GSE1: variants seen among roughly 807,000 people sequenced by gnomAD.
GSE1 encodes genetic suppressor element 1.
GSE1 carries 32 observed loss-of-function variants against 112.6 expected under a neutral mutation model. The ratio of observed to expected loss-of-function variants is 0.28; its 90% confidence interval spans 0.21 to 0.38. GSE1 has a LOEUF of 0.38. Among genes scored for constraint, GSE1 ranks in the 10% least tolerant of loss-of-function variants. GSE1 has a pLI of 1.00. For synonymous variants in GSE1, 1,115 were observed against 735.6 expected (o/e 1.52, Z -8.35); for missense variants, 2,348 against 1,699.2 (o/e 1.38, Z -6.71).
At chr16:85,285,330 A>G (rs1290899651) in intron 1 of GSE1, 1 of 152,154 alleles carries the variant, frequency 6.6e-6, no homozygotes, top group Non-Finnish European at 1.5e-5. Flanking sequence ...CCAGCCCTTC[A>G]CTACTCAAAG....
At chr16:85,274,301 C>G (rs1017220550) in intron 1 of GSE1, among the ~76,000 whole-genome samples, 4 of 152,098 alleles carry the variant, frequency 2.6e-5, no homozygotes, top group Non-Finnish European at 5.9e-5. Flanking sequence ...AGGAGAATCG[C>G]TTGAACCTGG....
At chr16:85,393,953 A>T (rs1312908006) in intron 2 of GSE1, among the ~76,000 whole-genome samples, 1 of 150,270 alleles carries the variant, frequency 6.7e-6, no homozygotes, top group Admixed American at 6.6e-5. Flanking sequence ...GGGCTGGGGA[A>T]CTCCAGGCAC....
intron 2 of GSE1, 69 bp downstream of exon 2, chr16:85,634,201 CTGCGGCGT>C: frequency 9.2e-7 from 1 of 1,084,554 alleles, no homozygotes; most frequent in Non-Finnish European, 1.2e-6. Flanking sequence ...AGCCTCCCGC[CTGCGGCGT>C]GCACGCTCAC....
At position 85,657,476 on chromosome 16, in the gene GSE1, G is replaced by GCGGCAGGAGAAGGAGGAC. The variant is rs1419991646; in HGVS notation, c.1519_1536dup (p.Glu507_Gln512dup). ...AGTGGCTGGCGCGGCAGCGGCGGCTGCGGCAGGAGAAGGAGGACCGGCAGT... is the reference window on the plus strand; with the variant it reads ...AGTGGCTGGCGCGGCAGCGGCGGCTGCGGCAGGAGAAGGAGGACCGGCAGGAGAAGGAGGACCGGCAGT... On this transcript the variant is annotated inframe_insertion, in exon 8 of 16. Transcript: ENST00000253458. 24 of 1,608,106 alleles carry GCGGCAGGAGAAGGAGGAC rather than the reference G, an allele frequency of 1.5e-5. No individual in the cohort carries two copies. The highest frequency in any genetic ancestry group is 1.7e-5 in the Non-Finnish European group (20 of 1,177,878).
At position 85,212,231 on chromosome 16, in the gene GSE1, C is replaced by T. The variant is rs142700494; in HGVS notation, c.2283+40424C>T. ...GACCAGCCTGGCCAACATGGTAAAA[C>T]CCTGTCTCTACTAAAAATACAAAAA... On this transcript the variant is annotated intron_variant, in intron 1 of 2. Coordinates refer to the GSE1 transcript ENST00000637419. Among the ~76,000 whole-genome samples, 1,316 of 152,232 alleles carry T rather than the reference C, an allele frequency of 8.6e-3. 11 individuals carry two copies. Among genetic ancestry groups the T allele is most frequent in the Non-Finnish European group, 0.015 (998 of 68,016 alleles).
In GSE1 at chr16:85,627,044, C is replaced by CTTTTTTTTTT. The variant is rs564272210; in HGVS notation, c.8-6847_8-6838dup. On this transcript the variant is annotated intron_variant, in intron 1 of 15. Transcript: ENST00000253458. ...GGACTTTGCTTCCTTTTCTTCTTGC[C>CTTTTTTTTTT]TTTTTTTTTTTTTTTTTTTTTTTTT... 8.6e-3 allele frequency among the ~76,000 whole-genome samples: 215 copies of CTTTTTTTTTT among 25,060 alleles called. 37 individuals are homozygous for CTTTTTTTTTT. The highest frequency in any genetic ancestry group is 0.056 in the Middle Eastern group (1 of 18). The allele number at this position is 25,060 out of a possible 152,430, so 16.4% of individuals were successfully genotyped here.
chr16:85,572,027 G>GCA (rs772544887), intron 1 of GSE1, among the ~76,000 whole-genome samples: 4 of 151,320 alleles, frequency 2.6e-5, no homozygotes, highest in Admixed American at 6.6e-5. Flanking sequence ...AGAACACATA[G>GCA]CACACACACA....
intron 2 of GSE1, among the ~76,000 whole-genome samples, chr16:85,519,743 TCAG>T (rs1181193370): frequency 1.3e-5 from 1 of 76,952 alleles, no homozygotes; most frequent in African/African-American, 5.1e-5. Flanking sequence ...ATCACCACCA[TCAG>T]CATCACCATC....
intron 2 of GSE1, among the ~76,000 whole-genome samples, chr16:85,370,066 C>T (rs1026827376): frequency 5.9e-5 from 9 of 152,112 alleles, no homozygotes; most frequent in South Asian, 2.1e-4. Flanking sequence ...GTGGTCCCTG[C>T]GCCACCCTTG....
In GSE1 at chr16:85,668,305, G is replaced by C. The variant is rs765563913; in HGVS notation, c.3296G>C (p.Arg1099Pro). 3 of 1,612,808 alleles carry C rather than the reference G, an allele frequency of 1.9e-6. No homozygotes were observed. In the African/African-American group the frequency reaches 4.0e-5, roughly 22 times the overall value. Residue 1099 changes from arginine (R) to proline (P), a missense_variant, in exon 14 of 16, where the codon CGG becomes CCG. Physicochemically the swap from Arg to Pro is moderately radical, Grantham distance 103. Coordinates refer to ENST00000253458, the MANE Select transcript of GSE1 (RefSeq NM_014615.5). ...RKGPPTQELDRDSEEEEEEDD... is the reference protein window; with the variant it reads ...RKGPPTQELDPDSEEEEEEDD... ...GGCCCCCCAACCCAGGAGTTGGACC[G>C]GGACTCGGAGGAGGAGGAAGAGGAG... is the stretch of plus-strand genomic sequence containing the variant.
intron 8 of GSE1, among the ~76,000 whole-genome samples, chr16:85,658,070 A>C (rs2052120056): frequency 6.6e-6 from 1 of 152,246 alleles, no homozygotes; most frequent in Non-Finnish European, 1.5e-5. Flanking sequence ...GTAAAAACAC[A>C]TGCCCGTTTT....
chr16:85,542,532 C>T (rs1327070789), intron 2 of GSE1, among the ~76,000 whole-genome samples: 1 of 152,230 alleles, frequency 6.6e-6, no homozygotes, highest in Non-Finnish European at 1.5e-5. Context: ...GCCTACCTCC[C>T]AATGAAGAGC....
At chr16:85,624,105 C>T (rs538880904) in intron 1 of GSE1, among the ~76,000 whole-genome samples, 24 of 152,324 alleles carry the variant, frequency 1.6e-4, no homozygotes, top group Non-Finnish European at 2.8e-4. Context: ...GCGTCTCAGC[C>T]TCCTCTTCCT....
At chr16:85,640,477 G>C (rs1483477359) in intron 2 of GSE1, among the ~76,000 whole-genome samples, 1 of 152,228 alleles carries the variant, frequency 6.6e-6, no homozygotes, top group Non-Finnish European at 1.5e-5. Flanking sequence ...GGTGGTGTCT[G>C]CTGGCTGCCT....
intron 1 of GSE1, among the ~76,000 whole-genome samples, chr16:85,229,258 C>A (rs575554038): frequency 5.3e-5 from 8 of 152,346 alleles, no homozygotes; most frequent in Admixed American, 4.6e-4. Flanking sequence ...GAGGGGGTGG[C>A]CCTCCCTGCA....
chr16:85,385,995 G>T (rs563930715), intron 2 of GSE1, among the ~76,000 whole-genome samples: 2 of 152,338 alleles, frequency 1.3e-5, no homozygotes, highest in East Asian at 3.9e-4. Context: ...CATTCCCCGA[G>T]GGTACACCCA....
chr16:85,352,920 A>C (rs1216633767), intron 1 of GSE1, among the ~76,000 whole-genome samples: 2 of 152,228 alleles, frequency 1.3e-5, no homozygotes. Context: ...TTTCTGACAC[A>C]CACAGCTCAG....
At chr16:85,646,248 A>AC (rs1258003242) in intron 2 of GSE1, among the ~76,000 whole-genome samples, 3 of 149,118 alleles carry the variant, frequency 2.0e-5, no homozygotes, top group African/African-American at 7.8e-5. Flanking sequence ...ACCTGCTTCT[A>AC]CCACGCATTC....
intron 1 of GSE1, among the ~76,000 whole-genome samples, chr16:85,248,111 T>C (rs1340448231): frequency 6.6e-6 from 1 of 152,094 alleles, no homozygotes; most frequent in Non-Finnish European, 1.5e-5. Flanking sequence ...GAGCTGCAGG[T>C]ACAAATGGAG....
Sources: allele counts gnomAD v4.1 joint callset (sites outside exome capture counted in the v4.1 genomes callset), GRCh38; gene constraint gnomAD v4.1.1; transcripts MANE v1.5; gene names NCBI Gene and HGNC (gene_info 2026-07-23, HGNC 2026-07-21).